Variants in MORN1 observed in about 807,000 individuals in gnomAD.
MORN1 encodes MORN repeat-containing protein 1.
Under a neutral mutation model 61.9 loss-of-function variants are expected in MORN1, and 67 were observed. The ratio of observed to expected loss-of-function variants is 1.08; its 90% confidence interval spans 0.89 to 1.33. MORN1 has a LOEUF of 1.33. MORN1 is among the 40% of genes most tolerant of loss of function. MORN1 has a pLI of 0.00. For missense variants in MORN1, 752 were observed against 691.2 expected (o/e 1.09, Z -0.99); for synonymous variants, 301 against 292.0 (o/e 1.03, Z -0.31).
At chr1:2,371,174 A>C (rs563830718) in intron 8 of MORN1, 1 of 152,234 alleles carries the variant, frequency 6.6e-6, no homozygotes, top group African/African-American at 2.4e-5. Context: ...GTGCCACCGC[A>C]CTCCAGCCCG....
rs997162595 is a variant in MORN1 at position 2,385,841 on chromosome 1, T to C, written c.415A>G (p.Asn139Asp). ...ATCTGCCCAGGGCCGTGCCTCTTGT[T>C]GTCATGGAAGGAGCCCTGGTACACT... ...GQVYQGSFHD[N>D]KRHGPGQMLF... The change falls in exon 5 of 14, where the codon AAC (asparagine) becomes GAC (aspartate). Residue 139 changes from asparagine to aspartate, a missense_variant. Asn to Asp is a conservative substitution (Grantham distance 23). Transcript: ENST00000378531. 8.1e-6 allele frequency: 13 copies of C among 1,613,844 alleles called. No homozygotes were observed. In the African/African-American group the frequency reaches 9.3e-5, roughly 12 times the overall value.
intron 12 of MORN1, among the ~76,000 whole-genome samples, chr1:2,331,422 G>C (rs935176858): frequency 6.6e-6 from 1 of 152,236 alleles, no homozygotes; most frequent in Admixed American, 6.5e-5. Context: ...TGCTGGGGCA[G>C]TTGGGGGTGC....
intron 4 of MORN1, chr1:2,387,164 C>T: frequency 1.8e-6 from 1 of 542,678 alleles, no homozygotes; most frequent in Non-Finnish European, 3.3e-6. Context: ...AACCCCTAAG[C>T]CACGGGCGTC....
intron 10 of MORN1, among the ~76,000 whole-genome samples, chr1:2,348,191 C>T (rs977158475): frequency 3.3e-5 from 5 of 152,258 alleles, no homozygotes; most frequent in Admixed American, 6.5e-5. Context: ...AGCTTCCAGG[C>T]CAGGCCTTTC....
At chr1:2,371,792 T>G in intron 8 of MORN1, 1 of 162,572 alleles carries the variant, frequency 6.2e-6, no homozygotes, top group Non-Finnish European at 1.4e-5. Flanking sequence ...ATGCCTGTAA[T>G]CCCAGCTACT....
At chr1:2,330,637 C>T (rs187277688) in intron 12 of MORN1, among the ~76,000 whole-genome samples, 1 of 152,230 alleles carries the variant, frequency 6.6e-6, no homozygotes, top group Admixed American at 6.5e-5. Context: ...TCGCAGAAGT[C>T]TTAATTAAGC....
intron 3 of MORN1, chr1:2,388,028 T>C (rs937301419): frequency 2.1e-5 from 11 of 530,894 alleles, no homozygotes; most frequent in Non-Finnish European, 3.7e-5. Context: ...TAAATCTTTA[T>C]TCTAGAAAAG....
intron 10 of MORN1, chr1:2,355,546 G>C: frequency 6.8e-7 from 1 of 1,461,130 alleles, no homozygotes; most frequent in Non-Finnish European, 9.4e-7. Context: ...GCAGGGGCAC[G>C]GGCATGGAGG....
intron 10 of MORN1, among the ~76,000 whole-genome samples, chr1:2,347,390 G>T (rs1009375632): frequency 6.6e-6 from 1 of 152,028 alleles, no homozygotes; most frequent in African/African-American, 2.4e-5. Context: ...CCCTACCCCC[G>T]ATCACCCATC....
Position 2,348,696 on chromosome 1 carries a change from C to CGCACGCACACGCACACCTGCGCGG in MORN1, c.1036+8712_1036+8735dup, listed in dbSNP as rs1169051038. Among the ~76,000 whole-genome samples, 142 of 147,484 alleles carry CGCACGCACACGCACACCTGCGCGG rather than the reference C, an allele frequency of 9.6e-4. 3 individuals are homozygous for CGCACGCACACGCACACCTGCGCGG. The highest frequency in any genetic ancestry group is 3.5e-3 in the Middle Eastern group (1 of 288). On this transcript the variant is annotated intron_variant, in intron 10 of 13. Transcript: ENST00000378531. The stretch of plus-strand genomic sequence containing the variant: ...ACACCTGCGCAGGCACGCACACACA[C>CGCACGCACACGCACACCTGCGCGG]GCACGCACACGCACACCTGCGCGGG...
At chr1:2,340,039 C>T (rs773671634) in intron 10 of MORN1, among the ~76,000 whole-genome samples, 4 of 152,230 alleles carry the variant, frequency 2.6e-5, no homozygotes, top group African/African-American at 7.2e-5. Context: ...TGGGCTCTGC[C>T]GCTGACATCA....
chr1:2,348,179 G>T (rs965381519), intron 10 of MORN1, among the ~76,000 whole-genome samples: 1 of 152,226 alleles, frequency 6.6e-6, no homozygotes, highest in Non-Finnish European at 1.5e-5. Flanking sequence ...TGGCGTCTTC[G>T]AAGCTTCCAG....
In MORN1 at chr1:2,324,154, G is replaced by A. The variant is rs751593383; in HGVS notation, c.1251-11C>T. 7.5e-6 allele frequency: 12 copies of A among 1,593,706 alleles called. No individual in the cohort carries two copies. Among genetic ancestry groups the A allele is most frequent in the African/African-American group, 5.4e-5 (4 of 74,662 alleles). ...GCTCTCCCCTCAGGCCTGTGGAGAC[G>A]ACACAGTGAGGCCCCTGAATGCCCT... On this transcript the variant is annotated splice_polypyrimidine_tract_variant and intron_variant, in intron 12 of 13. Transcript: ENST00000378531.
At chr1:2,387,052 T>C (rs1259089757) in intron 4 of MORN1, 2 of 247,870 alleles carry the variant, frequency 8.1e-6, no homozygotes, top group Non-Finnish European at 1.6e-5. Flanking sequence ...TATAGCCATT[T>C]AGTGACCCCA....
intron 6 of MORN1, among the ~76,000 whole-genome samples, chr1:2,381,935 G>A (rs1038484215): frequency 6.6e-6 from 1 of 152,112 alleles, no homozygotes; most frequent in Non-Finnish European, 1.5e-5. Context: ...TGGTGGATGC[G>A]CTGAGCACCC....
At chr1:2,329,501 C>A (rs1287088098) in intron 12 of MORN1, among the ~76,000 whole-genome samples, 1 of 152,206 alleles carries the variant, frequency 6.6e-6, no homozygotes, top group Non-Finnish European at 1.5e-5. Flanking sequence ...GGGGCCCAGC[C>A]CCCCGCCTGC....
At chr1:2,351,964 G>A (rs1641659016) in intron 10 of MORN1, 3 of 523,320 alleles carry the variant, frequency 5.7e-6, no homozygotes, top group African/African-American at 3.9e-5. Context: ...TCTGCTCGAG[G>A]GACACCAGTA....
intron 13 of MORN1, chr1:2,322,983 C>T: frequency 1.0e-6 from 1 of 985,464 alleles, no homozygotes; most frequent in African/African-American, 1.7e-5. Flanking sequence ...ATGGCTTAGC[C>T]CCAAGTGGCC....
At chr1:2,335,818 C>G (rs1641253507) in intron 12 of MORN1, among the ~76,000 whole-genome samples, 1 of 151,272 alleles carries the variant, frequency 6.6e-6, no homozygotes, top group African/African-American at 2.5e-5. Flanking sequence ...CGGGGGCCTC[C>G]TCGCCTCCAT....
Sources: allele counts gnomAD v4.1 joint callset (sites outside exome capture counted in the v4.1 genomes callset), GRCh38; gene constraint gnomAD v4.1.1; transcripts MANE v1.5; gene names NCBI Gene and HGNC (gene_info 2026-07-23, HGNC 2026-07-21).